Variants in POC1B observed in about 807,000 individuals in gnomAD.
The protein encoded by POC1B is POC1 centriolar protein B.
Under a neutral mutation model 60.6 loss-of-function variants are expected in POC1B, and 44 were observed. That is an observed-to-expected ratio of 0.73 (90% CI 0.57 to 0.93). POC1B has a LOEUF of 0.93. Among genes scored for constraint, POC1B ranks in the 40% least tolerant of loss-of-function variants. The pLI is 0.00. For missense variants in POC1B, 555 were observed against 572.3 expected (o/e 0.97, Z 0.31); for synonymous variants, 180 against 198.9 (o/e 0.90, Z 0.80).
At chr12:89,476,588 A>G (rs772890240) in intron 4 of POC1B, among the ~76,000 whole-genome samples, 13 of 152,168 alleles carry the variant, frequency 8.5e-5, no homozygotes, top group Non-Finnish European at 1.8e-4. Flanking sequence ...CATGCCTGTA[A>G]TCCCAGCTAC....
intron 4 of POC1B, among the ~76,000 whole-genome samples, chr12:89,487,051 A>AT (rs573524525): frequency 7.2e-4 from 109 of 152,212 alleles, no homozygotes; most frequent in African/African-American, 2.5e-3. Context: ...TCTCTTCTGA[A>AT]TTAATATTAT....
At chr12:89,519,361 T>C (rs1870654572) in intron 2 of POC1B, 1 of 152,214 alleles carries the variant, frequency 6.6e-6, no homozygotes, top group Non-Finnish European at 1.5e-5. Context: ...ATTGCCATTA[T>C]AAATGTATAC....
At chr12:89,443,626 C>T (rs1194728261) in intron 10 of POC1B, among the ~76,000 whole-genome samples, 1 of 151,460 alleles carries the variant, frequency 6.6e-6, no homozygotes, top group African/African-American at 2.4e-5. Flanking sequence ...AAATTTATAG[C>T]ACTAAATGCC....
At chr12:89,430,964 C>A (rs1175305217) in intron 10 of POC1B, among the ~76,000 whole-genome samples, 4 of 152,058 alleles carry the variant, frequency 2.6e-5, no homozygotes, top group Admixed American at 6.6e-5. Context: ...AAATTACAAT[C>A]TTAAATGCCT....
At chr12:89,502,535 A>G in intron 2 of POC1B, 2 of 1,111,808 alleles carry the variant, frequency 1.8e-6, no homozygotes, top group African/African-American at 1.5e-5. Flanking sequence ...AAGAAAGACT[A>G]GCTTAATGGT....
At chr12:89,428,812 T>G (rs1880894855) in intron 10 of POC1B, 1 of 152,194 alleles carries the variant, frequency 6.6e-6, no homozygotes, top group Non-Finnish European at 1.5e-5. Flanking sequence ...CGCCTCGGCC[T>G]CCCAAAGTGC....
At position 89,425,273 on chromosome 12, in the gene POC1B, T is replaced by A; in HGVS notation, c.1220A>T (p.Lys407Ile). 1 of 1,614,130 alleles carries A rather than the reference T, an allele frequency of 6.2e-7. No homozygotes were observed. The highest frequency in any genetic ancestry group is 8.5e-7 in the Non-Finnish European group (1 of 1,180,002). ...GTCACTCATGTCTTCTGTTTTCTTT[T>A]TCGTGGTTGTTGGCAAACATTCTGG... is the stretch of plus-strand genomic sequence containing the variant. ...MSPECLPTTTKKKTEDMSDLP... is the reference protein window; with the variant it reads ...MSPECLPTTTIKKTEDMSDLP... The change falls in exon 11 of 12, where the codon AAA becomes ATA. Residue 407 changes from lysine to isoleucine, a missense_variant. By Grantham distance (102) the Lys-to-Ile change is moderately radical (BLOSUM62 -3). Transcript: ENST00000313546.
intron 10 of POC1B, among the ~76,000 whole-genome samples, chr12:89,431,892 G>A (rs887572530): frequency 6.6e-6 from 1 of 152,194 alleles, no homozygotes; most frequent in Admixed American, 6.5e-5. Flanking sequence ...CCTTCTGAAG[G>A]CTCTAGGAGA....
At chr12:89,439,567 A>T (rs1881424827) in intron 10 of POC1B, among the ~76,000 whole-genome samples, 2 of 152,044 alleles carry the variant, frequency 1.3e-5, no homozygotes, top group African/African-American at 4.8e-5. Context: ...ACTGTCCATG[A>T]ATCATATTTT....
the POC1B span, among the ~76,000 whole-genome samples, chr12:89,414,694 T>A: frequency 6.6e-6 from 1 of 152,262 alleles, no homozygotes; most frequent in African/African-American, 2.4e-5. Context: ...GACCCACCTG[T>A]TTTTATTATT....
chr12:89,469,328 A>G (rs1434070898), intron 7 of POC1B, among the ~76,000 whole-genome samples: 1 of 152,212 alleles, frequency 6.6e-6, no homozygotes, highest in Non-Finnish European at 1.5e-5. Flanking sequence ...AACAGGCTCA[A>G]TAAAAGGCAC....
intron 2 of POC1B, among the ~76,000 whole-genome samples, chr12:89,506,129 T>A (rs539387861): frequency 6.6e-6 from 1 of 152,310 alleles, no homozygotes; most frequent in Admixed American, 6.5e-5. Flanking sequence ...AAGATGGATA[T>A]ACCCCGCCTG....
chr12:89,523,467 G>A (rs762987031), intron 2 of POC1B: 10 of 1,613,912 alleles, frequency 6.2e-6, no homozygotes, highest in Non-Finnish European at 8.5e-6. Flanking sequence ...GGAACACATG[G>A]CCCACGTGGG....
intron 4 of POC1B, among the ~76,000 whole-genome samples, chr12:89,480,489 C>T (rs111512619): frequency 0.012 from 1,791 of 151,038 alleles, 35 homozygotes; most frequent in African/African-American, 0.041. Flanking sequence ...GGCATGATCT[C>T]GGCTCACTGC....
intron 4 of POC1B, among the ~76,000 whole-genome samples, chr12:89,490,875 C>T (rs1868929307): frequency 6.6e-6 from 1 of 152,110 alleles, no homozygotes; most frequent in African/African-American, 2.4e-5. Flanking sequence ...TATCTAAAAT[C>T]CAACCACATC....
intron 2 of POC1B, chr12:89,500,231 C>A (rs1267779715): frequency 3.2e-6 from 5 of 1,579,238 alleles, no homozygotes; most frequent in Non-Finnish European, 4.3e-6. Context: ...AGAAAAAAGT[C>A]TTGCCAATGA....
chr12:89,503,956 C>T lies in POC1B; in HGVS notation c.101-6614G>A, dbSNP rs572223637. On this transcript the variant is annotated intron_variant, in intron 2 of 11. Coordinates refer to ENST00000313546, the MANE Select transcript of POC1B (RefSeq NM_172240.3). ...CTGTCTGGGAAGTGAGGAGCGTCTCCGCCCGGCAGCCGCCCCGTCCGGGAG... is the reference window on the plus strand; with the variant it reads ...CTGTCTGGGAAGTGAGGAGCGTCTCTGCCCGGCAGCCGCCCCGTCCGGGAG... Among the ~76,000 whole-genome samples the T allele has an allele frequency of 7.2e-3, 899 of 125,696 alleles. 48 individuals are homozygous for T. Among genetic ancestry groups the T allele is most frequent in the African/African-American group, 0.024 (869 of 36,118 alleles). 82.5% of individuals were successfully genotyped at this position (125,696 alleles called of 152,430 possible).
At chr12:89,429,035 A>T (rs1880904907) in intron 10 of POC1B, 1 of 152,218 alleles carries the variant, frequency 6.6e-6, no homozygotes, top group Non-Finnish European at 1.5e-5. Context: ...CCAATCATTC[A>T]TTGAACTCTG....
intron 10 of POC1B, among the ~76,000 whole-genome samples, chr12:89,457,438 T>C (rs576786091): frequency 2.6e-5 from 4 of 152,338 alleles, no homozygotes; most frequent in African/African-American, 9.6e-5. Flanking sequence ...TTTTAAAAAG[T>C]CTAACTACTT....
Sources: allele counts gnomAD v4.1 joint callset (sites outside exome capture counted in the v4.1 genomes callset), GRCh38; gene constraint gnomAD v4.1.1; transcripts MANE v1.5; gene names NCBI Gene and HGNC (gene_info 2026-07-23, HGNC 2026-07-21).